Variants in SRGAP3 observed in about 807,000 individuals in gnomAD.
SRGAP3 encodes the protein SLIT-ROBO Rho GTPase activating protein 3.
Under a neutral mutation model 121.1 loss-of-function variants are expected in SRGAP3, and 39 were observed. The ratio of observed to expected loss-of-function variants is 0.32; its 90% CI spans 0.25 to 0.42. The LOEUF is 0.42. Ranked by LOEUF, SRGAP3 falls within the 10% of genes least tolerant of loss-of-function variation. The pLI is 1.00. For synonymous variants in SRGAP3, 601 were observed against 570.0 expected, an observed-to-expected ratio of 1.05 and a Z score of -0.77; for missense variants, 1,213 against 1,470.6, an observed-to-expected ratio of 0.82 and a Z score of 2.86.
At chr3:9,136,030 C>A (rs1372723477) in intron 1 of SRGAP3, among the ~76,000 whole-genome samples, 1 of 152,246 alleles carries the variant, frequency 6.6e-6, no homozygotes, top group Non-Finnish European at 1.5e-5. Context: ...GCACGCTGGG[C>A]ACCGAGCTAA....
At chr3:9,162,536 C>T (rs1338529983) in intron 1 of SRGAP3, among the ~76,000 whole-genome samples, 1 of 152,120 alleles carries the variant, frequency 6.6e-6, no homozygotes, top group Admixed American at 6.5e-5. Context: ...CTGAGTGATC[C>T]CTGCTCCTTC....
intron 1 of SRGAP3, among the ~76,000 whole-genome samples, chr3:9,352,083 C>T (rs1336385239): frequency 1.3e-5 from 2 of 152,018 alleles, no homozygotes; most frequent in South Asian, 2.1e-4. Flanking sequence ...GCCATCTAAT[C>T]GACACTCTGT....
In SRGAP3 at chr3:9,015,598, A is replaced by C; in HGVS notation, c.1812T>G (p.Ile604Met). 1 of 1,614,142 alleles carries C rather than the reference A, an allele frequency of 6.2e-7. No homozygotes were observed. The change falls in exon 15 of 22, where the codon ATT (isoleucine) becomes ATG (methionine). Residue 604 changes from isoleucine (I) to methionine (M), a missense_variant and splice_region_variant. This residue lies in a region of SRGAP3 where 793 missense variants were observed against 1,032.9 expected (regional missense o/e 0.77). Coordinates refer to ENST00000383836, the MANE Select transcript of SRGAP3 (RefSeq NM_014850.4). ...KERFQDLIST[I>M]KLENPAERVH... ...TCATTTCACCTGGGAAATACTTACTAATAGTAGATATCAAATCTTGAAACC... is the reference window on the plus strand; with the variant it reads ...TCATTTCACCTGGGAAATACTTACTCATAGTAGATATCAAATCTTGAAACC...
intron 18 of SRGAP3, 101 bp downstream of exon 18, chr3:9,010,207 C>A (rs144251804): frequency 7.4e-7 from 1 of 1,348,530 alleles, no homozygotes; most frequent in African/African-American, 1.4e-5. Context: ...ACTTGGAAAG[C>A]TGAAGAGGTC....
chr3:9,045,205 A>AC (rs1459645661), intron 10 of SRGAP3, among the ~76,000 whole-genome samples: 1 of 151,782 alleles, frequency 6.6e-6, no homozygotes, highest in African/African-American at 2.4e-5. Flanking sequence ...AAAAAAAAAA[A>AC]AAAACTTCTG....
At chr3:9,117,682 A>G (rs1020244017) in intron 2 of SRGAP3, among the ~76,000 whole-genome samples, 1 of 152,202 alleles carries the variant, frequency 6.6e-6, no homozygotes, top group Non-Finnish European at 1.5e-5. Context: ...AGAAAGCTAG[A>G]ATAGAAGGGG....
At chr3:9,222,663 C>T (rs1952852844) in intron 1 of SRGAP3, among the ~76,000 whole-genome samples, 1 of 152,166 alleles carries the variant, frequency 6.6e-6, no homozygotes, top group Non-Finnish European at 1.5e-5. Flanking sequence ...AAACAAAGGC[C>T]TCTAACTGGC....
Position 9,224,066 on chromosome 3 carries a change from C to G in SRGAP3, c.67+24819G>C, listed in dbSNP as rs1374706305. ...CAGACGCCCCTGCAGAAGAGAAGGC[C>G]TGACCCTCCTCTCCAAACACGCCTG... is the stretch of plus-strand genomic sequence containing the variant. On this transcript the variant is annotated intron_variant, in intron 1 of 21. Transcript: ENST00000383836. Among the ~76,000 whole-genome samples the G allele has an allele frequency of 2.6e-5, 4 of 152,282 alleles. No individual in the cohort carries two copies. The East Asian group carries it at 7.7e-4, about 29-fold the overall frequency.
intron 13 of SRGAP3, 27 bp from the exon 14 acceptor site, chr3:9,025,365 A>G (rs1203972381): frequency 1.2e-6 from 2 of 1,612,110 alleles, no homozygotes; most frequent in East Asian, 4.5e-5. Context: ...CAGAAAAAGA[A>G]ATAGTAAATC....
chr3:9,021,651 C>T (rs1943927567), intron 14 of SRGAP3, among the ~76,000 whole-genome samples: 1 of 152,196 alleles, frequency 6.6e-6, no homozygotes, highest in Non-Finnish European at 1.5e-5. Context: ...ATGCTCCTTT[C>T]AACAGCCTTA....
At chr3:9,080,601 G>A (rs1043690418) in intron 3 of SRGAP3, among the ~76,000 whole-genome samples, 2 of 152,264 alleles carry the variant, frequency 1.3e-5, no homozygotes, top group African/African-American at 2.4e-5. Context: ...TGAGTCCCCA[G>A]CCTCCAGGCC....
At chr3:9,061,028 G>T (rs374792717) in intron 5 of SRGAP3, among the ~76,000 whole-genome samples, 6 of 152,282 alleles carry the variant, frequency 3.9e-5, no homozygotes, top group East Asian at 3.9e-4. Flanking sequence ...GGTTAGGAGA[G>T]CAAGACCAGC....
chr3:9,247,951 G>A (rs760824172), intron 1 of SRGAP3, among the ~76,000 whole-genome samples: 2 of 152,246 alleles, frequency 1.3e-5, no homozygotes, highest in Non-Finnish European at 2.9e-5. Context: ...GCCCCAGTCT[G>A]GCCTGAATGA....
At chr3:9,347,305 C>A (rs1955908270) in intron 1 of SRGAP3, among the ~76,000 whole-genome samples, 1 of 152,208 alleles carries the variant, frequency 6.6e-6, no homozygotes, top group African/African-American at 2.4e-5. Context: ...GGACCACAGG[C>A]ATGCACCACC....
chr3:9,132,065 G>A (rs1949475445), intron 1 of SRGAP3, among the ~76,000 whole-genome samples: 1 of 152,096 alleles, frequency 6.6e-6, no homozygotes, highest in African/African-American at 2.4e-5. Context: ...AGCAATAGTA[G>A]GAAGATTCTT....
Position 9,220,205 on chromosome 3 carries a change from G to T in SRGAP3, c.67+28680C>A, listed in dbSNP as rs555017824. ...AGATTTCAAATGTTCCCAACACAAA[G>T]AAATTATAAAAGTTTGACGTCATAG... On this transcript the variant is annotated intron_variant, in intron 1 of 21. Transcript: ENST00000383836. 2.4e-4 allele frequency among the ~76,000 whole-genome samples: 37 copies of T among 152,172 alleles called. No homozygotes were observed. The South Asian group carries it at 7.1e-3, about 29-fold the overall frequency.
Position 8,985,720 on chromosome 3 carries a change from G to T in SRGAP3, c.3099C>A (p.Thr1033=), listed in dbSNP as rs1006435788. ...AAMRRSSSSS[T]EMMTTFKPAL... ...CTGGCTTGAAGGTGGTCATCATCTC[G>T]GTGGAGGAGCTGCTGCTGCGGCGCA... is the stretch of plus-strand genomic sequence containing the variant. Residue 1033 remains threonine (T), a synonymous_variant, in exon 22 of 22, where the codon ACC becomes ACA. Transcript: ENST00000383836. The surrounding 1 kb of genome is among the most constrained non-coding windows in gnomAD (Gnocchi z 5.1). 81 of 1,598,338 alleles carry T rather than the reference G, an allele frequency of 5.1e-5. No individual in the cohort carries two copies. The highest frequency in any genetic ancestry group is 6.9e-5 in the Non-Finnish European group (81 of 1,179,664).
chr3:9,130,953 G>A (rs1949422681), intron 1 of SRGAP3, among the ~76,000 whole-genome samples: 1 of 152,154 alleles, frequency 6.6e-6, no homozygotes, highest in South Asian at 2.1e-4. Flanking sequence ...GCTGGGCTGT[G>A]CATGGAACCC....
chr3:9,305,933 G>A (rs1955153519), intron 3 of SRGAP3, among the ~76,000 whole-genome samples: 1 of 152,168 alleles, frequency 6.6e-6, no homozygotes, highest in Non-Finnish European at 1.5e-5. Context: ...CCAGCAATGG[G>A]TTTGCTAAGT....
Sources: allele counts gnomAD v4.1 joint callset (sites outside exome capture counted in the v4.1 genomes callset), GRCh38; gene constraint gnomAD v4.1.1; regional missense constraint gnomAD v4.1.1; non-coding constraint Gnocchi (gnomAD v3.1); transcripts MANE v1.5; gene names NCBI Gene and HGNC (gene_info 2026-07-23, HGNC 2026-07-21).